Variants in FSAF1 observed in about 807,000 individuals in gnomAD.
The protein encoded by FSAF1 is uncharacterized protein C1orf131.
At chr1:231,226,965 C>A in the FSAF1 span, 3 of 1,613,644 alleles carry the variant, frequency 1.9e-6, no homozygotes, top group African/African-American at 4.0e-5. Flanking sequence ...GTAGCAGCAG[C>A]CCCTCACCTT....
chr1:231,229,603 A>C, the FSAF1 span, among the ~76,000 whole-genome samples: 1 of 152,242 alleles, frequency 6.6e-6, no homozygotes, highest in Admixed American at 6.5e-5. Flanking sequence ...AATGTCCACC[A>C]ACAGATGGAC....
the FSAF1 span, chr1:231,226,398 C>T: frequency 1.3e-5 from 4 of 317,734 alleles, no homozygotes; most frequent in African/African-American, 6.3e-5. Context: ...CACCGGAGGC[C>T]GAGCAGATGC....
chr1:231,224,120 C>A, the FSAF1 span: 4 of 822,778 alleles, frequency 4.9e-6, no homozygotes, highest in Admixed American at 3.5e-5. Flanking sequence ...GCAGACACTT[C>A]GGCAACTAGA....
chr1:231,229,035 A>G, the FSAF1 span: 1 of 638,854 alleles, frequency 1.6e-6, no homozygotes, highest in Non-Finnish European at 2.6e-6. Flanking sequence ...TCTATACTAC[A>G]TAGTTTGCAT....
At chr1:231,232,174 T>C in the FSAF1 span, among the ~76,000 whole-genome samples, 6 of 152,228 alleles carry the variant, frequency 3.9e-5, no homozygotes, top group Non-Finnish European at 7.3e-5. Flanking sequence ...ATACATGACC[T>C]GACTTAGAAA....
At chr1:231,231,809 G>A in the FSAF1 span, among the ~76,000 whole-genome samples, 1 of 152,196 alleles carries the variant, frequency 6.6e-6, no homozygotes, top group African/African-American at 2.4e-5. Flanking sequence ...AGCAGCCACG[G>A]AGAACACCTA....
At chr1:231,229,225 C>A in the FSAF1 span, 5 of 1,521,806 alleles carry the variant, frequency 3.3e-6, no homozygotes, top group Non-Finnish European at 3.6e-6. Flanking sequence ...AGAAAAAATT[C>A]TTATTTAGAT....
the FSAF1 span, among the ~76,000 whole-genome samples, chr1:231,239,911 G>A: frequency 6.6e-6 from 1 of 152,194 alleles, no homozygotes; most frequent in African/African-American, 2.4e-5. Flanking sequence ...ATGATTTCCA[G>A]CCTGTGTTGA....
At chr1:231,227,952 G>A in the FSAF1 span, among the ~76,000 whole-genome samples, 1 of 152,144 alleles carries the variant, frequency 6.6e-6, no homozygotes, top group Non-Finnish European at 1.5e-5. Context: ...TAATAACAGA[G>A]GCAGGATTCA....
chr1:231,238,760 A>C, the FSAF1 span: 1 of 1,213,974 alleles, frequency 8.2e-7, no homozygotes, highest in East Asian at 2.4e-5. Context: ...AGGCCTGAGG[A>C]TAGTCAGGCA....
the FSAF1 span, chr1:231,224,306 T>G: frequency 6.2e-7 from 1 of 1,611,954 alleles, no homozygotes; most frequent in African/African-American, 1.3e-5. Context: ...AAGAATTTAT[T>G]TTCTTGATAT....
the FSAF1 span, chr1:231,224,158 T>C: frequency 4.2e-6 from 5 of 1,202,882 alleles, no homozygotes; most frequent in Non-Finnish European, 5.6e-6. Flanking sequence ...ACTTTTTTTC[T>C]AAAATGAAAA....
the FSAF1 span, chr1:231,238,873 T>A: frequency 1.9e-6 from 3 of 1,612,716 alleles, no homozygotes. Context: ...GTTCTTGTTA[T>A]GATCTGGCGT....
the FSAF1 span, among the ~76,000 whole-genome samples, chr1:231,229,965 C>G: frequency 6.6e-6 from 1 of 152,160 alleles, no homozygotes; most frequent in Non-Finnish European, 1.5e-5. Flanking sequence ...CACCACTGAA[C>G]TGCACACTTA....
the FSAF1 span, chr1:231,238,681 T>C: frequency 8.2e-5 from 47 of 575,352 alleles, no homozygotes; most frequent in African/African-American, 7.1e-4. Context: ...GGTCAGTCTG[T>C]AGGCCTACAT....
the FSAF1 span, among the ~76,000 whole-genome samples, chr1:231,233,215 A>G: frequency 6.6e-6 from 1 of 152,208 alleles, no homozygotes; most frequent in Non-Finnish European, 1.5e-5. Context: ...GATGGCTCAG[A>G]GTCAGTGTAC....
chr1:231,225,255 G>C, the FSAF1 span: 1 of 577,970 alleles, frequency 1.7e-6, no homozygotes, highest in Non-Finnish European at 3.1e-6. Flanking sequence ...GAGTGTCGGT[G>C]AAAAGTGGAA....
At chr1:231,236,969 A>T in the FSAF1 span, 1 of 152,052 alleles carries the variant, frequency 6.6e-6, no homozygotes, top group Admixed American at 6.6e-5. Flanking sequence ...AAATAAAGGT[A>T]GACATGGTTA....
chr1:231,232,736 G>A, the FSAF1 span, among the ~76,000 whole-genome samples: 1 of 152,154 alleles, frequency 6.6e-6, no homozygotes, highest in Non-Finnish European at 1.5e-5. Flanking sequence ...GAACAGTTTG[G>A]AAGAAAAGTG....
Sources: gnomAD v4.1 joint callset for allele counts (sites outside exome capture counted in the v4.1 genomes callset) on GRCh38, gnomAD v4.1.1 for gene constraint, MANE v1.5 for transcripts, NCBI Gene and HGNC (gene_info 2026-07-23, HGNC 2026-07-21) for gene names.